Variants in DCC observed in about 807,000 individuals in gnomAD.
DCC encodes netrin receptor DCC.
In DCC, 58 loss-of-function variants were observed where a neutral mutation model predicts 172.5. The observed-to-expected ratio is 0.34, with a 90% CI of 0.27 to 0.42. The LOEUF (loss-of-function observed/expected upper bound fraction) is 0.42. Among genes scored for constraint, DCC ranks in the 10% least tolerant of loss-of-function variants. The pLI is 1.00. For synonymous variants in DCC, 709 were observed against 644.5 expected (o/e 1.10, Z -1.52); for missense variants, 1,740 against 1,791.0 (o/e 0.97, Z 0.51).
chr18:52,758,923 C>T (rs2037117004), intron 2 of DCC: 1 of 152,064 alleles, frequency 6.6e-6, no homozygotes, highest in Non-Finnish European at 1.5e-5. Context: ...TTCCATTTTA[C>T]ATTTATAGAG....
At chr18:53,330,456 C>G (rs944990431) in intron 14 of DCC, among the ~76,000 whole-genome samples, 15 of 152,178 alleles carry the variant, frequency 9.9e-5, no homozygotes, top group Non-Finnish European at 2.2e-4. Flanking sequence ...CACTTTATGT[C>G]AGGCTCACAT....
chr18:53,087,134 G>A (rs2042925086), intron 7 of DCC, among the ~76,000 whole-genome samples: 2 of 152,044 alleles, frequency 1.3e-5, no homozygotes, highest in African/African-American at 2.4e-5. Context: ...GGATGGCTGG[G>A]TCAAATGGTA....
At chr18:53,368,106 T>C (rs1001724376) in intron 15 of DCC, among the ~76,000 whole-genome samples, 9 of 152,182 alleles carry the variant, frequency 5.9e-5, no homozygotes. Flanking sequence ...TTGTTTTTAG[T>C]GTTCCTCTTT....
At chr18:52,641,138 G>C (rs550079262) in intron 1 of DCC, among the ~76,000 whole-genome samples, 2 of 152,256 alleles carry the variant, frequency 1.3e-5, no homozygotes, top group African/African-American at 4.8e-5. Context: ...TTCAACAAAT[G>C]GTGCTGGGAT....
At chr18:53,431,467 G>GTT (rs138962186) in intron 21 of DCC, among the ~76,000 whole-genome samples, 3 of 127,962 alleles carry the variant, frequency 2.3e-5, no homozygotes, top group South Asian at 2.4e-4. Context: ...AGTACACTTT[G>GTT]TTTTTTGTTG....
At chr18:52,905,970 A>G (rs150510605) in intron 2 of DCC, 74 bp from the exon 3 acceptor site, 47 of 1,018,276 alleles carry the variant, frequency 4.6e-5, no homozygotes, top group East Asian at 4.3e-4. Flanking sequence ...AAAGAATACA[A>G]AGTGATTATT....
intron 12 of DCC, among the ~76,000 whole-genome samples, chr18:53,259,361 T>A (rs1002342025): frequency 1.4e-4 from 21 of 152,220 alleles, no homozygotes; most frequent in African/African-American, 5.1e-4. Flanking sequence ...GTTGTTCCTT[T>A]CCATGTTTAG....
chr18:53,270,149 A>G (rs1317772630), intron 12 of DCC, among the ~76,000 whole-genome samples: 2 of 152,110 alleles, frequency 1.3e-5, no homozygotes, highest in African/African-American at 4.8e-5. Flanking sequence ...GGTAGGAACA[A>G]AATTCTGAGT....
At chr18:53,189,685 C>T (rs773604665) in intron 9 of DCC, among the ~76,000 whole-genome samples, 9 of 152,272 alleles carry the variant, frequency 5.9e-5, no homozygotes, top group African/African-American at 9.6e-5. Context: ...AGAATTCTAA[C>T]CCTGCCTTGT....
intron 1 of DCC, among the ~76,000 whole-genome samples, chr18:52,559,355 C>T (rs565016092): frequency 1.5e-3 from 221 of 152,334 alleles, no homozygotes; most frequent in Non-Finnish European, 2.6e-3. Context: ...TTGTGATCTG[C>T]CTGCTTTGGC....
At position 52,868,286 on chromosome 18, in the gene DCC, G is replaced by T. The variant is rs377476526; in HGVS notation, c.413-37758G>T. 2.2e-4 allele frequency among the ~76,000 whole-genome samples: 33 copies of T among 152,128 alleles called. 1 individual carries two copies. The highest frequency in any genetic ancestry group is 7.0e-4 in the African/African-American group (29 of 41,498). On this transcript the variant is annotated intron_variant, in intron 2 of 28. Transcript: ENST00000442544. Reference sequence around the variant, plus strand: ...ATGTAATTTTCCAGGTATAAAATAAGTTAAAACGGGTTTAATGGAGAGGGC... The same window carrying T: ...ATGTAATTTTCCAGGTATAAAATAATTTAAAACGGGTTTAATGGAGAGGGC...
intron 1 of DCC, among the ~76,000 whole-genome samples, chr18:52,738,480 G>T (rs979864800): frequency 1.5e-4 from 23 of 152,046 alleles, no homozygotes; most frequent in African/African-American, 5.1e-4. Context: ...TAAATATTTT[G>T]TACAAGAGAT....
chr18:53,255,718 G>T (rs1428402337), intron 12 of DCC, among the ~76,000 whole-genome samples: 1 of 152,000 alleles, frequency 6.6e-6, no homozygotes, highest in Non-Finnish European at 1.5e-5. Context: ...ATTCCTTTGG[G>T]TATATACCCA....
chr18:52,981,946 G>A (rs1024928800), intron 5 of DCC, among the ~76,000 whole-genome samples: 1 of 152,106 alleles, frequency 6.6e-6, no homozygotes, highest in Admixed American at 6.6e-5. Context: ...AGAAGAAATC[G>A]AGGCAAGAAG....
intron 7 of DCC, among the ~76,000 whole-genome samples, chr18:53,131,185 G>A (rs1444505126): frequency 6.6e-6 from 1 of 152,028 alleles, no homozygotes; most frequent in Non-Finnish European, 1.5e-5. Flanking sequence ...CTTTTAAAAT[G>A]TAAATGAACT....
intron 3 of DCC, among the ~76,000 whole-genome samples, chr18:52,922,236 A>G (rs1401251385): frequency 6.6e-6 from 1 of 152,176 alleles, no homozygotes; most frequent in Non-Finnish European, 1.5e-5. Flanking sequence ...GAAGACTGAG[A>G]AAGTGTGAAA....
chr18:52,718,198 A>G (rs749811187), intron 1 of DCC, among the ~76,000 whole-genome samples: 3 of 148,860 alleles, frequency 2.0e-5, no homozygotes, highest in Non-Finnish European at 3.0e-5. Flanking sequence ...TTGCTTCAGG[A>G]AGACATTTAT....
intron 15 of DCC, among the ~76,000 whole-genome samples, chr18:53,370,978 A>G (rs2058055684): frequency 6.6e-6 from 1 of 151,902 alleles, no homozygotes; most frequent in African/African-American, 2.4e-5. Context: ...AGAATACTAA[A>G]CACTTCTACC....
intron 1 of DCC, among the ~76,000 whole-genome samples, chr18:52,590,412 T>TA (rs1326469759): frequency 5.9e-5 from 9 of 152,114 alleles, no homozygotes; most frequent in Admixed American, 2.6e-4. Context: ...CATTAGGGAG[T>TA]AAAAAAAGTA....
Sources: gnomAD v4.1 joint callset for allele counts (sites outside exome capture counted in the v4.1 genomes callset) on GRCh38, gnomAD v4.1.1 for gene constraint, MANE v1.5 for transcripts, NCBI Gene and HGNC (gene_info 2026-07-23, HGNC 2026-07-21) for gene names.